SNTB2: variants seen among roughly 807,000 people sequenced by gnomAD.
SNTB2 encodes the protein beta-2-syntrophin.
SNTB2 carries 34 observed loss-of-function variants against 46.2 expected under a neutral mutation model. The ratio of observed to expected loss-of-function variants is 0.74; its 90% CI spans 0.56 to 0.98. SNTB2 has a LOEUF of 0.98. Ranked by LOEUF, SNTB2 falls within the 50% of genes least tolerant of loss-of-function variation. The pLI is 0.00. For missense variants in SNTB2, 603 were observed against 731.4 expected (o/e 0.82, Z 2.02); for synonymous variants, 290 against 312.6 (o/e 0.93, Z 0.76).
rs959008737 is a variant in SNTB2, at chr16:69,308,776, T to G, written c.*7852T>G. 3.3e-5 allele frequency: 5 copies of G among 152,224 alleles called. No homozygotes were observed. Among genetic ancestry groups the G allele is most frequent in the African/African-American group, 1.2e-4 (5 of 41,450 alleles). 9.4% of individuals were successfully genotyped at this position (152,224 alleles called of 1,614,324 possible). On this transcript the variant is annotated 3_prime_UTR_variant, in exon 7 of 7. Transcript: ENST00000336278. ...GAACCCTGTATTTAAACAAGCCTTCTTTTTAAGTCTTGTTTGAAATTTAAG... is the reference window on the plus strand; with the variant it reads ...GAACCCTGTATTTAAACAAGCCTTCGTTTTAAGTCTTGTTTGAAATTTAAG...
At chr16:69,198,410 A>G (rs896227698) in intron 1 of SNTB2, among the ~76,000 whole-genome samples, 3 of 151,922 alleles carry the variant, frequency 2.0e-5, no homozygotes, top group South Asian at 2.1e-4. Context: ...TGCCTGGCCT[A>G]TTTTTCACAT....
intron 4 of SNTB2, among the ~76,000 whole-genome samples, chr16:69,271,141 G>A (rs1964933492): frequency 3.9e-5 from 6 of 151,996 alleles, no homozygotes; most frequent in Admixed American, 3.9e-4. Context: ...CCTTTAACTT[G>A]CCACATATAT....
At chr16:69,189,457 A>C (rs1964027634) in intron 1 of SNTB2, among the ~76,000 whole-genome samples, 2 of 152,326 alleles carry the variant, frequency 1.3e-5, no homozygotes, top group East Asian at 1.9e-4. Flanking sequence ...TAGAAAAAAA[A>C]CACAAAAAAC....
chr16:69,292,390 T>TTA lies in SNTB2; in HGVS notation c.1346-7184_1346-7183dup, dbSNP rs1233537704. Among the ~76,000 whole-genome samples, 77 of 12,758 alleles carry TTA rather than the reference T, an allele frequency of 6.0e-3. 5 individuals are homozygous for TTA. The highest frequency in any genetic ancestry group is 7.4e-3 in the Non-Finnish European group (62 of 8,368). 8.4% of individuals were successfully genotyped at this position (12,758 alleles called of 152,430 possible). A position where few individuals can be genotyped will look rare whatever the true frequency, so the allele number is the denominator to read the frequency against. On this transcript the variant is annotated intron_variant, in intron 5 of 6. Coordinates refer to ENST00000336278, the MANE Select transcript of SNTB2 (RefSeq NM_006750.4). ...TATATATATATATATTATATATATA[T>TTA]TATATATATATATATATTATATATA...
intron 2 of SNTB2, 111 bp from the exon 3 acceptor site, chr16:69,259,939 T>C: frequency 1.2e-6 from 1 of 860,354 alleles, no homozygotes; most frequent in Non-Finnish European, 1.9e-6. Context: ...AGTATACAAA[T>C]TTATTTGAAG....
intron 2 of SNTB2, among the ~76,000 whole-genome samples, chr16:69,250,568 G>A (rs555602731): frequency 1.4e-4 from 22 of 152,266 alleles, no homozygotes; most frequent in African/African-American, 5.1e-4. Context: ...CATAATATCT[G>A]CTCAACTATG....
At chr16:69,201,942 T>A (rs1025095184) in intron 1 of SNTB2, among the ~76,000 whole-genome samples, 2 of 152,138 alleles carry the variant, frequency 1.3e-5, no homozygotes, top group Non-Finnish European at 2.9e-5. Context: ...GAATGCTGCT[T>A]AGTTTAGGAG....
intron 1 of SNTB2, 92 bp downstream of exon 1, chr16:69,187,838 G>T (rs1400709529): frequency 4.8e-6 from 5 of 1,039,214 alleles, no homozygotes; most frequent in Non-Finnish European, 5.2e-6. Context: ...GGGGCGAGCC[G>T]GTTCTCTCCC....
intron 2 of SNTB2, among the ~76,000 whole-genome samples, chr16:69,254,633 T>C (rs760656751): frequency 2.5e-4 from 38 of 152,252 alleles, no homozygotes; most frequent in Admixed American, 7.8e-4. Context: ...AAGCCACACA[T>C]TGGGAAGAAA....
chr16:69,196,443 C>T (rs1375764752), intron 1 of SNTB2, among the ~76,000 whole-genome samples: 3 of 143,440 alleles, frequency 2.1e-5, no homozygotes, highest in East Asian at 4.1e-4. Flanking sequence ...GGTGTGATCT[C>T]GGCTCACTGC....
Position 69,284,028 on chromosome 16 carries a change from T to A in SNTB2, c.1149-20T>A. On this transcript the variant is annotated intron_variant, in intron 4 of 6. Transcript: ENST00000336278. ...TGATAATGTAGTTACTTTTGATCTC[T>A]GCTCTGTTTGTGGTCCTAGGTTGGT... The A allele has an allele frequency of 6.3e-7, 1 of 1,581,686 alleles. No individual in the cohort carries two copies. The highest frequency in any genetic ancestry group is 8.6e-7 in the Non-Finnish European group (1 of 1,160,606).
At position 69,301,110 on chromosome 16, in the gene SNTB2, A is replaced by G. The variant is rs1283737586; in HGVS notation, c.*186A>G. ...ACCTTTCACAGTCTACCTTGGCCAG[A>G]TATTCTAGCACTCTAAAAGGCTCCA... On this transcript the variant is annotated 3_prime_UTR_variant, in exon 7 of 7. Coordinates refer to ENST00000336278, the MANE Select transcript of SNTB2 (RefSeq NM_006750.4). 3.7e-6 allele frequency: 2 copies of G among 533,904 alleles called. No homozygotes were observed. Among genetic ancestry groups the G allele is most frequent in the African/African-American group, 3.8e-5 (2 of 52,990 alleles). The allele number at this position is 533,904 out of a possible 1,614,324, so 33.1% of individuals were successfully genotyped here. A position where few individuals can be genotyped will look rare whatever the true frequency, so the allele number is the denominator to read the frequency against.
chr16:69,206,400 C>T (rs1964219690), intron 1 of SNTB2, among the ~76,000 whole-genome samples: 1 of 152,104 alleles, frequency 6.6e-6, no homozygotes, highest in South Asian at 2.1e-4. Context: ...TCTAATTTCC[C>T]TACAAGAAAA....
At chr16:69,276,805 C>T (rs571116777) in intron 4 of SNTB2, among the ~76,000 whole-genome samples, 1 of 152,172 alleles carries the variant, frequency 6.6e-6, no homozygotes, top group East Asian at 1.9e-4. Context: ...TGAATCAAGG[C>T]AGTTGGCACG....
intron 3 of SNTB2, among the ~76,000 whole-genome samples, chr16:69,264,144 A>T (rs1445477851): frequency 6.6e-6 from 1 of 152,160 alleles, no homozygotes; most frequent in Non-Finnish European, 1.5e-5. Flanking sequence ...ACAGTCGCGA[A>T]GAGGCACTGC....
At position 69,260,138 on chromosome 16, in the gene SNTB2, A is replaced by G; in HGVS notation, c.883A>G (p.Ile295Val). ...TATAHSWFVA[I>V]HTNIMALLPQ... is the part of the protein sequence containing the mutation. ...CACAGCACACTCCTGGTTCGTAGCT[A>G]TCCACACCAACATAATGGCTCTCCT... The change falls in exon 3 of 7, where the codon ATC (isoleucine) becomes GTC (valine). Residue 295 changes from isoleucine (I) to valine (V), a missense_variant. Transcript: ENST00000336278. 1.9e-6 allele frequency: 3 copies of G among 1,614,012 alleles called. No individual in the cohort carries two copies. Among genetic ancestry groups the G allele is most frequent in the Non-Finnish European group, 2.5e-6 (3 of 1,180,016 alleles).
At chr16:69,260,734 C>T (rs1318174494) in intron 3 of SNTB2, among the ~76,000 whole-genome samples, 3 of 152,142 alleles carry the variant, frequency 2.0e-5, no homozygotes, top group Non-Finnish European at 2.9e-5. Context: ...GGATCTGGCC[C>T]AAGTGTCATA....
Position 69,187,749 on chromosome 16 carries a change from G to A in SNTB2, c.580+3G>A. 1 of 1,456,332 alleles carries A rather than the reference G, an allele frequency of 6.9e-7. No individual in the cohort carries two copies. Among genetic ancestry groups the A allele is most frequent in the Admixed American group, 2.5e-5 (1 of 39,608 alleles). 90.2% of individuals were successfully genotyped at this position (1,456,332 alleles called of 1,614,324 possible). On this transcript the variant is annotated splice_donor_region_variant and intron_variant, in intron 1 of 6. Transcript: ENST00000336278. Reference sequence around the variant, plus strand: ...GGGCAAGGAGGTGCTGCTGGAGGGTGAGCGGGGCCGGGCGGGAGGGTGGGC... The same window carrying A: ...GGGCAAGGAGGTGCTGCTGGAGGGTAAGCGGGGCCGGGCGGGAGGGTGGGC...
intron 4 of SNTB2, among the ~76,000 whole-genome samples, chr16:69,273,605 T>C (rs77313884): frequency 0.05 from 7,625 of 152,282 alleles, 265 homozygotes; most frequent in Non-Finnish European, 0.071. Context: ...TTTGAGATGA[T>C]GACAGTCTGC....
Sources: gnomAD v4.1 joint callset for allele counts (sites outside exome capture counted in the v4.1 genomes callset) on GRCh38, gnomAD v4.1.1 for gene constraint, MANE v1.5 for transcripts, NCBI Gene and HGNC (gene_info 2026-07-23, HGNC 2026-07-21) for gene names.